The following BTBD2 variants were observed in gnomAD, a reference collection of about 807,000 sequenced individuals.
The protein encoded by BTBD2 is BTB domain containing 2.
In BTBD2, 15 loss-of-function variants were observed where a neutral mutation model predicts 44.0. The observed-to-expected ratio is 0.34, with a 90% CI of 0.23 to 0.53. BTBD2 has a LOEUF of 0.53. BTBD2 is among the 20% of genes least tolerant of loss of function. The probability of loss-of-function intolerance (pLI) is 0.95; values close to 1 mark genes in which losing one functional copy is unlikely to be tolerated. For missense variants in BTBD2, 657 were observed against 746.4 expected (o/e 0.88, Z 1.39); for synonymous variants, 443 against 335.9 (o/e 1.32, Z -3.49).
rs1314289954 is a variant in BTBD2, at chr19:1,997,473, G to C, written c.408-10C>G. The C allele has an allele frequency of 1.2e-6, 2 of 1,613,830 alleles. No individual in the cohort carries two copies. The highest frequency in any genetic ancestry group is 1.7e-5 in the Admixed American group (1 of 60,020). On this transcript the variant is annotated splice_polypyrimidine_tract_variant and intron_variant, in intron 1 of 8. Coordinates refer to ENST00000255608, the MANE Select transcript of BTBD2 (RefSeq NM_017797.4). ...CACGGCCAGCACGAACCTGGTACGG[G>C]AGAGAGAAGGCCCTGGTTAAGCCCG...
intron 1 of BTBD2, among the ~76,000 whole-genome samples, chr19:2,010,139 G>A (rs139875155): frequency 0.024 from 3,639 of 152,260 alleles, 161 homozygotes; most frequent in African/African-American, 0.084. Flanking sequence ...GCAACAGAGC[G>A]AGACTCCGTC....
intron 1 of BTBD2, among the ~76,000 whole-genome samples, chr19:2,008,873 A>G (rs186359311): frequency 1.3e-5 from 2 of 152,096 alleles, no homozygotes; most frequent in East Asian, 3.9e-4. Context: ...ACTCAGCCTG[A>G]AAAGTCTTCA....
At chr19:2,011,009 C>T (rs1245052008) in intron 1 of BTBD2, among the ~76,000 whole-genome samples, 2 of 152,142 alleles carry the variant, frequency 1.3e-5, no homozygotes, top group African/African-American at 4.8e-5. Flanking sequence ...CGTTTGTTCC[C>T]ACAGCCCCAG....
chr19:2,007,823 G>GTC (rs2016413735), intron 1 of BTBD2, among the ~76,000 whole-genome samples: 1 of 143,080 alleles, frequency 7.0e-6, no homozygotes, highest in African/African-American at 2.7e-5. Flanking sequence ...GCGAGACTCT[G>GTC]TCTCAAAAAA....
chr19:2,005,028 G>C (rs1245890603), intron 1 of BTBD2, among the ~76,000 whole-genome samples: 1 of 151,650 alleles, frequency 6.6e-6, no homozygotes, highest in Non-Finnish European at 1.5e-5. Context: ...CACCGTGTTA[G>C]TCAGGATGGT....
At chr19:1,987,986 T>A (rs1256586697) in intron 5 of BTBD2, 3 of 376,004 alleles carry the variant, frequency 8.0e-6, no homozygotes, top group Non-Finnish European at 1.5e-5. Flanking sequence ...CTGGCCCCAC[T>A]GTAGGGACCA....
At chr19:2,001,943 G>C (rs1599356579) in intron 1 of BTBD2, among the ~76,000 whole-genome samples, 3 of 152,232 alleles carry the variant, frequency 2.0e-5, no homozygotes, top group East Asian at 3.9e-4. Flanking sequence ...GTTTCACCAT[G>C]TTGGCCAGGG....
Position 1,987,445 on chromosome 19 carries a change from C to T in BTBD2, c.1181+55G>A, listed in dbSNP as rs1435511885. The T allele has an allele frequency of 8.9e-5, 102 of 1,143,576 alleles. 3 individuals carry two copies. The Admixed American group carries it at 2.1e-3, about 24-fold the overall frequency. The allele number at this position is 1,143,576 out of a possible 1,614,324, so 70.8% of individuals were successfully genotyped here. A position where few individuals can be genotyped will look rare whatever the true frequency, so the allele number is the denominator to read the frequency against. On this transcript the variant is annotated intron_variant, in intron 6 of 8. Coordinates refer to ENST00000255608, the MANE Select transcript of BTBD2 (RefSeq NM_017797.4). ...ATGCCCGGCCCCCCATCTCCGTCAT[C>T]CCCGAGTCCTCCACCCCCATGTCCG...
intron 2 of BTBD2, among the ~76,000 whole-genome samples, chr19:1,995,924 G>A (rs1255464713): frequency 6.6e-6 from 1 of 152,032 alleles, no homozygotes; most frequent in African/African-American, 2.4e-5. Flanking sequence ...CAAAGTACTG[G>A]GATTACAGGC....
intron 1 of BTBD2, among the ~76,000 whole-genome samples, chr19:2,000,043 G>A (rs988751826): frequency 9.9e-5 from 15 of 152,078 alleles, no homozygotes; most frequent in East Asian, 1.9e-4. Context: ...GGAGCGATGC[G>A]GCCACAGGCC....
chr19:1,995,006 C>T (rs6510633), intron 2 of BTBD2, among the ~76,000 whole-genome samples: 57,995 of 151,824 alleles, frequency 0.38, 12,047 homozygotes, highest in African/African-American at 0.55. Context: ...CTCGCTCTGT[C>T]GCCCAAGCTG....
chr19:1,998,873 C>T (rs2016287774), intron 1 of BTBD2, among the ~76,000 whole-genome samples: 1 of 152,106 alleles, frequency 6.6e-6, no homozygotes, highest in Non-Finnish European at 1.5e-5. Context: ...CGGCGGAGCA[C>T]CTGCCCCAGG....
At chr19:2,005,500 A>T (rs137988976) in intron 1 of BTBD2, among the ~76,000 whole-genome samples, 2,503 of 152,030 alleles carry the variant, frequency 0.016, 40 homozygotes, top group Admixed American at 0.051. Context: ...ATTATTTTTT[A>T]GCCAGGCGCA....
chr19:2,015,519 G>C lies in BTBD2; in HGVS notation c.185C>G (p.Pro62Arg). 1.0e-6 allele frequency: 1 copy of C among 973,768 alleles called. No homozygotes were observed. The highest frequency in any genetic ancestry group is 1.2e-6 in the Non-Finnish European group (1 of 827,096). 60.3% of individuals were successfully genotyped at this position (973,768 alleles called of 1,614,324 possible). ...AAAPGPTPPA[P>R]PGPGTDAQAA... is the part of the protein sequence containing the mutation. ...CTGCGCGTCTGTCCCGGGGCCCGGC[G>C]GGGCGGGCGGCGTCGGCCCAGGGGC... Residue 62 changes from proline to arginine, a missense_variant, in exon 1 of 9, where the codon CCG becomes CGG. Transcript: ENST00000255608.
In BTBD2 at chr19:1,987,534, G is replaced by A. The variant is rs1396400798; in HGVS notation, c.1147C>T (p.Arg383Cys). The A allele has an allele frequency of 1.2e-6, 2 of 1,605,420 alleles. No individual in the cohort carries two copies. The highest frequency in any genetic ancestry group is 1.1e-5 in the South Asian group (1 of 89,804). Residue 383 changes from arginine (R) to cysteine (C), a missense_variant, in exon 6 of 9, where the codon CGC becomes TGC. Arg to Cys is a radical substitution (Grantham distance 180). Transcript: ENST00000255608. ...TCACTGGTCCCGCTGTAGCCCCAGC[G>A]ACTCTCCACCTGCTGGAAGCGGTTG... is the stretch of plus-strand genomic sequence containing the variant. ...SINRFQQVES[R>C]WGYSGTSDRI... is the part of the protein sequence containing the mutation.
intron 1 of BTBD2, among the ~76,000 whole-genome samples, chr19:1,998,270 C>G (rs1484210867): frequency 1.3e-5 from 2 of 152,238 alleles, no homozygotes; most frequent in African/African-American, 4.8e-5. Flanking sequence ...CTGAGGGAGA[C>G]AGACGAGGAC....
At position 1,997,355 on chromosome 19, in the gene BTBD2, G is replaced by C. The variant is rs143677178; in HGVS notation, c.516C>G (p.Leu172=). The C allele has an allele frequency of 6.2e-7, 1 of 1,614,046 alleles. No individual in the cohort carries two copies. Among genetic ancestry groups the C allele is most frequent in the Non-Finnish European group, 8.5e-7 (1 of 1,180,040 alleles). Reference sequence around the variant, plus strand: ...TCCGGAAGCATTACTTGAGCAGTGCGAGGAAGGCAGCGGGTTCCACGTCGG... The same window carrying C: ...TCCGGAAGCATTACTTGAGCAGTGCCAGGAAGGCAGCGGGTTCCACGTCGG... The part of the protein sequence containing the change: ...ELPDVEPAAF[L]ALLKFLYSDE... The change falls in exon 2 of 9, where the codon CTC becomes CTG. Residue 172 remains leucine, a synonymous_variant. Transcript: ENST00000255608.
chr19:2,011,449 G>A (rs1043693330), intron 1 of BTBD2, among the ~76,000 whole-genome samples: 1 of 151,452 alleles, frequency 6.6e-6, no homozygotes, highest in South Asian at 2.1e-4. Context: ...CTCCTGCTCC[G>A]GCCTTGCCAT....
In BTBD2 at chr19:2,015,569, G is replaced by A; in HGVS notation, c.135C>T (p.Ala45=). 1.4e-6 allele frequency: 1 copy of A among 710,824 alleles called. No homozygotes were observed. The highest frequency in any genetic ancestry group is 1.7e-6 in the Non-Finnish European group (1 of 596,368). The allele number at this position is 710,824 out of a possible 1,614,324, so 44.0% of individuals were successfully genotyped here. A position where few individuals can be genotyped will look rare whatever the true frequency, so the allele number is the denominator to read the frequency against. ...TPAPGNAAAA[A]AAAAAAAAAP... ...CGGCGGCGGCGGCGGCGGCGGCGGC[G>A]GCGGCGGCGGCCGCGTTGCCGGGGG... The change falls in exon 1 of 9, where the codon GCC becomes GCT. Residue 45 remains alanine, a synonymous_variant. Coordinates refer to ENST00000255608, the MANE Select transcript of BTBD2 (RefSeq NM_017797.4).
Sources: allele counts gnomAD v4.1 joint callset (sites outside exome capture counted in the v4.1 genomes callset), GRCh38; gene constraint gnomAD v4.1.1; transcripts MANE v1.5; gene names NCBI Gene and HGNC (gene_info 2026-07-23, HGNC 2026-07-21).